The following FN1 variants were observed in gnomAD, a reference collection of about 807,000 sequenced individuals.
The protein encoded by FN1 is fibronectin 1.
Under a neutral mutation model 297.3 loss-of-function variants are expected in FN1, and 106 were observed. The ratio of observed to expected loss-of-function variants is 0.36; its 90% confidence interval spans 0.30 to 0.42. FN1 has a LOEUF of 0.42. Ranked by LOEUF, FN1 falls within the 10% of genes least tolerant of loss-of-function variation. The probability of loss-of-function intolerance (pLI) is 1.00; values close to 1 mark genes in which losing one functional copy is unlikely to be tolerated. For missense variants in FN1, 2,690 were observed against 3,124.9 expected (o/e 0.86, Z 3.32); for synonymous variants, 1,149 against 1,152.6 (o/e 1.00, Z 0.06).
chr2:215,406,430 T>G lies in FN1; in HGVS notation c.2794A>C (p.Ser932Arg). 7 of 1,614,156 alleles carry G rather than the reference T, an allele frequency of 4.3e-6. No homozygotes were observed. Among genetic ancestry groups the G allele is most frequent in the Non-Finnish European group, 5.9e-6 (7 of 1,180,014 alleles). The change falls in exon 19 of 46, where the codon AGT becomes CGT. Residue 932 changes from serine (S) to arginine (R), a missense_variant. This residue lies in a region of FN1 where 1,743 missense variants were observed against 1,945.2 expected (regional missense o/e 0.90). Transcript: ENST00000354785. ...KVTIMWTPPESAVTGYRVDVI... is the reference protein window; with the variant it reads ...KVTIMWTPPERAVTGYRVDVI... ...TCCACACGGTAGCCGGTCACTGCAC[T>G]CTCAGGCGGTGTCCACATGATGGTG... is the stretch of plus-strand genomic sequence containing the variant.
intron 6 of FN1, among the ~76,000 whole-genome samples, chr2:215,426,143 C>CTTTTTTTTT (rs58002948): frequency 6.9e-5 from 7 of 101,066 alleles, no homozygotes; most frequent in Admixed American, 2.5e-4. Context: ...TTTCTTTTTT[C>CTTTTTTTTT]TTTTTTTTTT....
intron 17 of FN1, among the ~76,000 whole-genome samples, chr2:215,407,755 C>T (rs918242040): frequency 6.6e-6 from 1 of 152,154 alleles, no homozygotes; most frequent in Non-Finnish European, 1.5e-5. Context: ...AAGACGACAG[C>T]TCAGCTTTCT....
chr2:215,414,397 T>G (rs1191864125), intron 13 of FN1, among the ~76,000 whole-genome samples: 1 of 152,138 alleles, frequency 6.6e-6, no homozygotes, highest in African/African-American at 2.4e-5. Flanking sequence ...AATGATCACT[T>G]AAAAAGTGAA....
At chr2:215,385,592 C>T (rs2058848210) in intron 28 of FN1, among the ~76,000 whole-genome samples, 1 of 148,480 alleles carries the variant, frequency 6.7e-6, no homozygotes, top group Non-Finnish European at 1.5e-5. Context: ...AAAAGTAATA[C>T]AATGAACACC....
intron 18 of FN1, 30 bp downstream of exon 18, chr2:215,407,097 A>C: frequency 6.5e-7 from 1 of 1,540,406 alleles, no homozygotes; most frequent in Non-Finnish European, 9.0e-7. Flanking sequence ...TGATAAGATA[A>C]CATAGGAAGT....
intron 9 of FN1, 137 bp downstream of exon 9, chr2:215,423,207 CACACAA>C (rs1208271723): frequency 1.3e-6 from 1 of 741,946 alleles, no homozygotes; most frequent in Non-Finnish European, 2.3e-6. Flanking sequence ...CACACACACA[CACACAA>C]ACACACTTCA....
chr2:215,370,361 T>G lies in FN1; in HGVS notation c.6786A>C (p.Ile2262=). The G allele has an allele frequency of 6.2e-7, 1 of 1,613,694 alleles. No homozygotes were observed. Among genetic ancestry groups the G allele is most frequent in the Non-Finnish European group, 8.5e-7 (1 of 1,179,774 alleles). Residue 2262 remains isoleucine, a synonymous_variant, in exon 41 of 46, where the codon ATA becomes ATC. Transcript: ENST00000354785. ...GLTRGATYNV[I]VEALKDQQRH... ...TCTGCTGGTCTTTCAGTGCCTCCAC[T>G]ATGACGTTGTAGGTGGCACCTCTGG...
In FN1 at chr2:215,372,208, G is replaced by T; in HGVS notation, c.6415C>A (p.Gln2139Lys). The T allele has an allele frequency of 6.2e-7, 1 of 1,614,212 alleles. No homozygotes were observed. Among genetic ancestry groups the T allele is most frequent in the African/African-American group, 1.3e-5 (1 of 75,048 alleles). ...CCATGTTCCTCAAAGATCATTTGTT[G>T]CCCAACACTGGGTTGCTGACCAGAA... Reference protein sequence around the residue: ...GTSGQQPSVGQQMIFEEHGFR... With the variant: ...GTSGQQPSVGKQMIFEEHGFR... Residue 2139 changes from glutamine (Q) to lysine (K), a missense_variant, in exon 40 of 46, where the codon CAA becomes AAA. Physicochemically the swap from Gln to Lys is moderately conservative, Grantham distance 53. Coordinates refer to ENST00000354785, the MANE Select transcript of FN1 (RefSeq NM_212482.4).
chr2:215,414,788 G>T (rs1175378767), intron 13 of FN1, 49 bp downstream of exon 13: 2 of 1,611,612 alleles, frequency 1.2e-6, no homozygotes, highest in Admixed American at 1.7e-5. Flanking sequence ...CATCAGAATT[G>T]ATAAGATTAG....
chr2:215,379,162 C>CA lies in FN1; in HGVS notation c.5589dup (p.Asp1864Ter). ...CCTGATACAACCACGGATGAGCTGT[C>CA]AGGAGCAAGGTTGATTTCTTTCATT... On this transcript the variant is annotated frameshift_variant, in exon 34 of 46. Coordinates refer to ENST00000354785, the MANE Select transcript of FN1 (RefSeq NM_212482.4). LOFTEE classifies it high-confidence loss of function. 1 of 1,614,094 alleles carries CA rather than the reference C, an allele frequency of 6.2e-7. No individual in the cohort carries two copies. Among genetic ancestry groups the CA allele is most frequent in the Non-Finnish European group, 8.5e-7 (1 of 1,180,012 alleles).
chr2:215,393,337 G>T lies in FN1; in HGVS notation c.3797-134C>A, dbSNP rs557230344. The T allele has an allele frequency of 2.3e-4, 182 of 799,092 alleles. 1 individual carries two copies. The South Asian group carries it at 3.2e-3, about 14-fold the overall frequency. The allele number at this position is 799,092 out of a possible 1,614,324, so 49.5% of individuals were successfully genotyped here. A position where few individuals can be genotyped will look rare whatever the true frequency, so the allele number is the denominator to read the frequency against. Reference sequence around the variant, plus strand: ...AATGTTAAAGCAATGATGGTAATATGCAATCTGTTTTAAATTCTCTGAAAA... The same window carrying T: ...AATGTTAAAGCAATGATGGTAATATTCAATCTGTTTTAAATTCTCTGAAAA... On this transcript the variant is annotated intron_variant, in intron 24 of 45. Transcript: ENST00000354785.
chr2:215,376,759 T>C lies in FN1; in HGVS notation c.5711-85A>G, dbSNP rs2057348180. On this transcript the variant is annotated intron_variant, in intron 35 of 45. Coordinates refer to ENST00000354785, the MANE Select transcript of FN1 (RefSeq NM_212482.4). Reference sequence around the variant, plus strand: ...TATTTTAAAACGTTTCCTTGGTATATATCAAATTCATCCATTTCAAGAAAT... The same window carrying C: ...TATTTTAAAACGTTTCCTTGGTATACATCAAATTCATCCATTTCAAGAAAT... 9 of 1,182,936 alleles carry C rather than the reference T, an allele frequency of 7.6e-6. No individual in the cohort carries two copies. In the South Asian group the frequency reaches 1.1e-4, roughly 15 times the overall value. The allele number at this position is 1,182,936 out of a possible 1,614,324, so 73.3% of individuals were successfully genotyped here.
At chr2:215,371,113 C>T (rs1356953324) in intron 40 of FN1, among the ~76,000 whole-genome samples, 2 of 139,374 alleles carry the variant, frequency 1.4e-5, no homozygotes, top group Non-Finnish European at 3.1e-5. Flanking sequence ...ACTAAAAATA[C>T]AAAAATTAGC....
intron 13 of FN1, chr2:215,414,522 T>C: frequency 3.6e-6 from 1 of 277,604 alleles, no homozygotes; most frequent in Non-Finnish European, 6.2e-6. Flanking sequence ...TCTTCCCACA[T>C]TGGGCAAGAA....
intron 19 of FN1, 103 bp from the exon 20 acceptor site, chr2:215,404,758 T>C: frequency 8.9e-7 from 1 of 1,118,566 alleles, no homozygotes; most frequent in Non-Finnish European, 1.3e-6. Context: ...CTCCTCAAGG[T>C]TGTAACTATG....
At chr2:215,375,608 C>T in intron 37 of FN1, 21 bp downstream of exon 37, 1 of 1,543,600 alleles carries the variant, frequency 6.5e-7, no homozygotes, top group Non-Finnish European at 9.0e-7. Flanking sequence ...ATGGCATTTC[C>T]TCAGTAGAAG....
At chr2:215,420,837 T>G in intron 10 of FN1, 36 bp from the exon 11 acceptor site, 1 of 1,609,912 alleles carries the variant, frequency 6.2e-7, no homozygotes, top group Non-Finnish European at 8.5e-7. Context: ...GAGAAACTTT[T>G]TAAAGTTCCA....
At chr2:215,400,578 C>T (rs1372723912) in intron 20 of FN1, among the ~76,000 whole-genome samples, 3 of 151,500 alleles carry the variant, frequency 2.0e-5, no homozygotes, top group Non-Finnish European at 2.9e-5. Context: ...ATGGTGAAAC[C>T]TTGTCTCTGC....
chr2:215,423,476 G>T lies in FN1; in HGVS notation c.1267C>A (p.Pro423Thr). 6.2e-7 allele frequency: 1 copy of T among 1,614,176 alleles called. No individual in the cohort carries two copies. Among genetic ancestry groups the T allele is most frequent in the South Asian group, 1.1e-5 (1 of 91,086 alleles). The change falls in exon 9 of 46, where the codon CCC becomes ACC. Residue 423 changes from proline to threonine, a missense_variant. Around this residue, in one of 3 missense-constraint regions of FN1, gnomAD observed 876 missense variants for 1,058.1 expected, o/e 0.83. Coordinates refer to ENST00000354785, the MANE Select transcript of FN1 (RefSeq NM_212482.4). ...TAATTGTGGTTGTTGTATAGGAAGGGGAAGTGGCACAAGGCACCATTGGAA... is the reference window on the plus strand; with the variant it reads ...TAATTGTGGTTGTTGTATAGGAAGGTGAAGTGGCACAAGGCACCATTGGAA... ...GNSNGALCHF[P>T]FLYNNHNYTD...
Sources: allele counts gnomAD v4.1 joint callset (sites outside exome capture counted in the v4.1 genomes callset), GRCh38; gene constraint gnomAD v4.1.1; regional missense constraint gnomAD v4.1.1; transcripts MANE v1.5; gene names NCBI Gene and HGNC (gene_info 2026-07-23, HGNC 2026-07-21).